Variants in SELENOI observed in about 807,000 individuals in gnomAD.
SELENOI encodes selenoprotein I.
SELENOI carries 24 observed loss-of-function variants against 50.7 expected under a neutral mutation model. The ratio of observed to expected loss-of-function variants is 0.47; its 90% CI spans 0.34 to 0.67. The LOEUF is 0.67. Among genes scored for constraint, SELENOI ranks in the 30% least tolerant of loss-of-function variants. The pLI is 0.01. For missense variants in SELENOI, 352 were observed against 461.4 expected (o/e 0.76, Z 2.17); for synonymous variants, 155 against 170.2 (o/e 0.91, Z 0.70).
At chr2:26,387,670 T>A (rs1677874444) in intron 9 of SELENOI, among the ~76,000 whole-genome samples, 2 of 137,146 alleles carry the variant, frequency 1.5e-5, no homozygotes, top group Non-Finnish European at 3.0e-5. Context: ...TGCTCCAGCC[T>A]GAGTGACAAA....
At chr2:26,375,193 A>G in intron 6 of SELENOI, 45 bp downstream of exon 6, 1 of 1,279,786 alleles carries the variant, frequency 7.8e-7, no homozygotes, top group Non-Finnish European at 1.1e-6. Context: ...TCACTTTGTT[A>G]TCAAAAGAGC....
intron 1 of SELENOI, among the ~76,000 whole-genome samples, chr2:26,347,990 G>A (rs1240387086): frequency 6.6e-6 from 1 of 152,104 alleles, no homozygotes; most frequent in Non-Finnish European, 1.5e-5. Context: ...CACTAAAATA[G>A]TTTGTTGATA....
chr2:26,388,064 T>C (rs1677883701), intron 9 of SELENOI, among the ~76,000 whole-genome samples: 1 of 152,216 alleles, frequency 6.6e-6, no homozygotes, highest in African/African-American at 2.4e-5. Context: ...TAGATACAAT[T>C]GTTAAGGAGA....
intron 8 of SELENOI, among the ~76,000 whole-genome samples, chr2:26,385,996 G>C (rs1168764807): frequency 6.6e-6 from 1 of 152,098 alleles, no homozygotes; most frequent in Non-Finnish European, 1.5e-5. Flanking sequence ...AAACTTAATT[G>C]TGTGGGGGTG....
chr2:26,389,397 G>C lies in SELENOI; in HGVS notation c.*294G>C, dbSNP rs933408431. 4.0e-6 allele frequency: 1 copy of C among 249,504 alleles called. No homozygotes were observed. Among genetic ancestry groups the C allele is most frequent in the Non-Finnish European group, 7.8e-6 (1 of 128,944 alleles). The allele number at this position is 249,504 out of a possible 1,614,324, so 15.5% of individuals were successfully genotyped here. A position where few individuals can be genotyped will look rare whatever the true frequency, so the allele number is the denominator to read the frequency against. On this transcript the variant is annotated 3_prime_UTR_variant, in exon 10 of 10. Transcript: ENST00000260585. ...AGTTTACAATGTTGTGATTCATGCA[G>C]GGTTAAAGATGCTTTGTTTTTATTT... is the stretch of plus-strand genomic sequence containing the variant.
At position 26,393,725 on chromosome 2, in the gene SELENOI, T is replaced by C. The variant is rs1475651268; in HGVS notation, c.*4622T>C. On this transcript the variant is annotated 3_prime_UTR_variant, in exon 10 of 10. Transcript: ENST00000260585. ...TAGTGCTGTTTTTAAAGCAAGTATA[T>C]TGGATGATGGCTATAGGGTACCTTA... is the stretch of plus-strand genomic sequence containing the variant. 1 of 152,198 alleles carries C rather than the reference T, an allele frequency of 6.6e-6. No individual in the cohort carries two copies. The highest frequency in any genetic ancestry group is 6.5e-5 in the Admixed American group (1 of 15,284). The allele number at this position is 152,198 out of a possible 1,614,324, so 9.4% of individuals were successfully genotyped here.
In SELENOI at chr2:26,384,394, G is replaced by A. The variant is rs565956223; in HGVS notation, c.732-565G>A. Among the ~76,000 whole-genome samples the A allele has an allele frequency of 1.3e-4, 20 of 152,296 alleles. 1 individual carries two copies. In the South Asian group the frequency reaches 4.1e-3, roughly 32 times the overall value. On this transcript the variant is annotated intron_variant, in intron 7 of 9. Transcript: ENST00000260585. ...GGCAACATATTGCCCGAGGTCGTGT[G>A]ATCAATGGCGGAAGCAGGACTGGAA... is the stretch of plus-strand genomic sequence containing the variant.
chr2:26,359,249 A>G (rs1249323200), intron 1 of SELENOI, among the ~76,000 whole-genome samples: 2 of 152,310 alleles, frequency 1.3e-5, no homozygotes, highest in East Asian at 1.9e-4. Context: ...ATAACGAAGG[A>G]GACTGAAACC....
At chr2:26,351,609 A>G (rs923032729) in intron 1 of SELENOI, among the ~76,000 whole-genome samples, 1 of 152,210 alleles carries the variant, frequency 6.6e-6, no homozygotes, top group African/African-American at 2.4e-5. Context: ...GGGAACCACA[A>G]GAAGTTAGAT....
chr2:26,370,791 C>G (rs1356591333), intron 4 of SELENOI, among the ~76,000 whole-genome samples: 3 of 140,172 alleles, frequency 2.1e-5, no homozygotes, highest in Non-Finnish European at 4.8e-5. Flanking sequence ...GGCAGAGGGG[C>G]TCCTCACCTC....
In SELENOI at chr2:26,393,030, G is replaced by T. The variant is rs1678004882; in HGVS notation, c.*3927G>T. 1 of 152,624 alleles carries T rather than the reference G, an allele frequency of 6.6e-6. No homozygotes were observed. The highest frequency in any genetic ancestry group is 1.5e-5 in the Non-Finnish European group (1 of 68,048). 9.5% of individuals were successfully genotyped at this position (152,624 alleles called of 1,614,324 possible). ...AAATGGTGTTAAATCTCTGAAACTT[G>T]AACGTATGATGCTCTGGACATTTTA... On this transcript the variant is annotated 3_prime_UTR_variant, in exon 10 of 10. Coordinates refer to ENST00000260585, the MANE Select transcript of SELENOI (RefSeq NM_033505.4).
intron 1 of SELENOI, among the ~76,000 whole-genome samples, chr2:26,355,999 C>T (rs1274110190): frequency 6.6e-6 from 1 of 152,200 alleles, no homozygotes; most frequent in Non-Finnish European, 1.5e-5. Context: ...ATCTCAGCCT[C>T]CCAAAGTGCT....
intron 4 of SELENOI, among the ~76,000 whole-genome samples, chr2:26,371,743 T>C (rs1007761118): frequency 5.9e-5 from 9 of 152,074 alleles, no homozygotes; most frequent in Non-Finnish European, 1.2e-4. Flanking sequence ...CGCCTGCAAT[T>C]GCAGGCACTC....
chr2:26,386,265 T>C, intron 8 of SELENOI, 89 bp from the exon 9 acceptor site: 1 of 1,303,888 alleles, frequency 7.7e-7, no homozygotes, highest in South Asian at 1.4e-5. Context: ...CTTGAATGCT[T>C]TTCAAATGTT....
intron 1 of SELENOI, among the ~76,000 whole-genome samples, chr2:26,363,267 A>G (rs1677220040): frequency 6.6e-6 from 1 of 152,228 alleles, no homozygotes; most frequent in South Asian, 2.1e-4. Flanking sequence ...CCTTGAGGTA[A>G]GGACTATCAT....
In SELENOI at chr2:26,365,769, A is replaced by G. The variant is rs137965012; in HGVS notation, c.235+829A>G. ...CACTGACAACATTGTTTTAGTAGAA[A>G]AATTTGGAGTTTCAAACACTTAAGA... On this transcript the variant is annotated intron_variant, in intron 3 of 9. Coordinates refer to ENST00000260585, the MANE Select transcript of SELENOI (RefSeq NM_033505.4). Among the ~76,000 whole-genome samples the G allele has an allele frequency of 8.6e-4, 131 of 151,576 alleles. 1 individual carries two copies. The East Asian group carries it at 0.022, about 26-fold the overall frequency.
chr2:26,357,456 C>T (rs1169153525), intron 1 of SELENOI, among the ~76,000 whole-genome samples: 4 of 152,218 alleles, frequency 2.6e-5, no homozygotes, highest in African/African-American at 9.6e-5. Flanking sequence ...AATTACCACA[C>T]ACTGAGTGGC....
chr2:26,377,369 C>T (rs1677589826), intron 6 of SELENOI, among the ~76,000 whole-genome samples: 1 of 152,050 alleles, frequency 6.6e-6, no homozygotes, highest in South Asian at 2.1e-4. Flanking sequence ...GTGGCTCACA[C>T]CTGTAGTCCC....
chr2:26,366,121 A>C (rs1677281979), intron 3 of SELENOI, among the ~76,000 whole-genome samples: 1 of 152,122 alleles, frequency 6.6e-6, no homozygotes, highest in Admixed American at 6.6e-5. Context: ...ATACTATAGA[A>C]ATTCCAAATA....
Sources: gnomAD v4.1 joint callset for allele counts (sites outside exome capture counted in the v4.1 genomes callset) on GRCh38, gnomAD v4.1.1 for gene constraint, MANE v1.5 for transcripts, NCBI Gene and HGNC (gene_info 2026-07-23, HGNC 2026-07-21) for gene names.